Variants in PHF24 observed in about 807,000 individuals in gnomAD.
PHF24 encodes PHD finger protein 24, also known as Galpha inhibitory interacting protein.
PHF24 carries 25 observed loss-of-function variants against 42.6 expected under a neutral mutation model. That is an observed-to-expected ratio of 0.59 (90% CI 0.43 to 0.82). The LOEUF (loss-of-function observed/expected upper bound fraction) is 0.82, where lower values mean the gene tolerates loss of function less well. Ranked by LOEUF, PHF24 falls within the 40% of genes least tolerant of loss-of-function variation. The probability of loss-of-function intolerance (pLI) is 0.00; values close to 1 mark genes in which losing one functional copy is unlikely to be tolerated. For missense variants in PHF24, 470 were observed against 538.1 expected (o/e 0.87, Z 1.25); for synonymous variants, 185 against 204.8 (o/e 0.90, Z 0.83).
the PHF24 span, chr9:34,729,578 T>A: frequency 2.3e-5 from 17 of 754,306 alleles, no homozygotes; most frequent in Middle Eastern, 1.2e-3. Context: ...GCCCTCCTGT[T>A]TCATAAGGTA....
the PHF24 span, among the ~76,000 whole-genome samples, chr9:34,728,438 A>G: frequency 1.3e-5 from 2 of 152,166 alleles, no homozygotes; most frequent in Non-Finnish European, 2.9e-5. Context: ...GAGGTACAGG[A>G]TTTTGGAACA....
chr9:34,894,406 T>G, the PHF24 span: 1 of 398,576 alleles, frequency 2.5e-6, no homozygotes, highest in African/African-American at 2.1e-5. Flanking sequence ...CAGACCAGAC[T>G]AGCAGCTGGG....
At chr9:34,834,481 C>T in the PHF24 span, 4 of 1,551,824 alleles carry the variant, frequency 2.6e-6, no homozygotes, top group Non-Finnish European at 3.5e-6. Flanking sequence ...TCTTCTGAGG[C>T]AGGCCCCAGC....
intron 1 of PHF24, among the ~76,000 whole-genome samples, chr9:34,959,626 C>T (rs1826519337): frequency 6.6e-6 from 1 of 152,164 alleles, no homozygotes; most frequent in South Asian, 2.1e-4. Context: ...TTTAACTGGC[C>T]ATGAGATTGC....
the PHF24 span, among the ~76,000 whole-genome samples, chr9:34,849,413 A>G: frequency 2.6e-5 from 4 of 151,984 alleles, no homozygotes; most frequent in African/African-American, 7.2e-5. Context: ...ATCAGAGACT[A>G]GGATTGCAAC....
chr9:34,789,080 A>T, the PHF24 span, among the ~76,000 whole-genome samples: 1 of 152,176 alleles, frequency 6.6e-6, no homozygotes, highest in Non-Finnish European at 1.5e-5. Flanking sequence ...ACTAACAGTA[A>T]GGGAGGCTCC....
chr9:34,793,455 GC>G, the PHF24 span, among the ~76,000 whole-genome samples: 1 of 152,202 alleles, frequency 6.6e-6, no homozygotes, highest in African/African-American at 2.4e-5. Flanking sequence ...ATCTCACCCA[GC>G]CCCTTCCACT....
chr9:34,861,083 G>A, the PHF24 span, among the ~76,000 whole-genome samples: 64 of 152,300 alleles, frequency 4.2e-4, no homozygotes, highest in Middle Eastern at 0.01. Context: ...TTACCTGAGA[G>A]AAGGCAGCTG....
exon 8 of PHF24, chr9:34,979,733 T>G (rs560121341): frequency 2.0e-4 from 30 of 152,332 alleles, no homozygotes; most frequent in African/African-American, 6.5e-4. Context: ...GAGAGCCCTG[T>G]GTAGTCTCCT....
At chr9:34,732,518 C>T in the PHF24 span, among the ~76,000 whole-genome samples, 1 of 152,018 alleles carries the variant, frequency 6.6e-6, no homozygotes, top group African/African-American at 2.4e-5. Flanking sequence ...TTATCAATCC[C>T]TTGTCCAGAT....
chr9:34,900,990 A>G, the PHF24 span, among the ~76,000 whole-genome samples: 1 of 152,250 alleles, frequency 6.6e-6, no homozygotes, highest in Non-Finnish European at 1.5e-5. Context: ...GACTGGACAA[A>G]TTATTTGAAA....
chr9:34,728,056 C>T, the PHF24 span: 1 of 1,551,978 alleles, frequency 6.4e-7, no homozygotes. Flanking sequence ...TGTGGCTTCT[C>T]AGCTTCTTCC....
chr9:34,761,669 T>C, the PHF24 span, among the ~76,000 whole-genome samples: 4 of 152,272 alleles, frequency 2.6e-5, no homozygotes, highest in Admixed American at 6.5e-5. Flanking sequence ...GCCCTACTCA[T>C]ACTCTTTTGT....
chr9:34,683,205 C>T, the PHF24 span, among the ~76,000 whole-genome samples: 7 of 152,214 alleles, frequency 4.6e-5, no homozygotes, highest in Admixed American at 3.3e-4. Context: ...GGATTACAGG[C>T]ATGCGCCACC....
chr9:34,714,592 G>A, the PHF24 span, among the ~76,000 whole-genome samples: 2 of 152,216 alleles, frequency 1.3e-5, no homozygotes, highest in African/African-American at 4.8e-5. Flanking sequence ...TAAGCATTTG[G>A]TGGGGTGGGG....
the PHF24 span, among the ~76,000 whole-genome samples, chr9:34,830,158 A>G: frequency 1.3e-5 from 2 of 152,232 alleles, no homozygotes; most frequent in Non-Finnish European, 1.5e-5. Context: ...TCTAAACTTC[A>G]TTTTTCCCCA....
At chr9:34,673,249 G>A in the PHF24 span, among the ~76,000 whole-genome samples, 2 of 151,364 alleles carry the variant, frequency 1.3e-5, no homozygotes, top group Non-Finnish European at 1.5e-5. Flanking sequence ...CCAGCTACTC[G>A]AGAGATGAGG....
At chr9:34,716,115 G>A in the PHF24 span, among the ~76,000 whole-genome samples, 2 of 152,172 alleles carry the variant, frequency 1.3e-5, no homozygotes, top group Non-Finnish European at 2.9e-5. Context: ...GGAGCATTGA[G>A]CCCTCTAGAA....
the PHF24 span, among the ~76,000 whole-genome samples, chr9:34,852,891 G>A: frequency 6.6e-6 from 1 of 152,214 alleles, no homozygotes; most frequent in East Asian, 1.9e-4. Context: ...GGAATTACAG[G>A]TGTGCCCCAC....
Sources: gnomAD v4.1 joint callset for allele counts (sites outside exome capture counted in the v4.1 genomes callset) on GRCh38, gnomAD v4.1.1 for gene constraint, MANE v1.5 for transcripts, NCBI Gene and HGNC (gene_info 2026-07-23, HGNC 2026-07-21) for gene names.